Variants in STAT2 observed in about 807,000 individuals in gnomAD.
STAT2 encodes interferon alpha induced transcriptional activator.
A neutral mutation model predicts 122.3 loss-of-function variants in STAT2; 51 were observed. The observed-to-expected ratio is 0.42, with a 90% CI of 0.33 to 0.53. The LOEUF (loss-of-function observed/expected upper bound fraction) is 0.53, where lower values mean the gene tolerates loss of function less well. Ranked by LOEUF, STAT2 falls within the 20% of genes least tolerant of loss-of-function variation. The probability of loss-of-function intolerance (pLI) is 0.10; values close to 1 mark genes in which losing one functional copy is unlikely to be tolerated. For missense variants in STAT2, 736 were observed against 1,010.3 expected (o/e 0.73, Z 3.68); for synonymous variants, 351 against 394.9 (o/e 0.89, Z 1.32).
chr12:56,355,417 C>G, intron 5 of STAT2, 26 bp downstream of exon 5: 1 of 1,613,962 alleles, frequency 6.2e-7, no homozygotes, highest in Non-Finnish European at 8.5e-7. Context: ...ACGCTGTCAA[C>G]CCTAACTCCT....
At chr12:56,344,175 G>T (rs1877001374) in intron 22 of STAT2, 40 bp from the exon 23 acceptor site, 2 of 1,525,230 alleles carry the variant, frequency 1.3e-6, no homozygotes, top group Non-Finnish European at 1.8e-6. Flanking sequence ...GGGCTCAGTG[G>T]TTCAAATGAA....
At chr12:56,349,709 C>T (rs1025117547) in intron 13 of STAT2, 73 bp from the exon 14 acceptor site, 52 of 1,588,574 alleles carry the variant, frequency 3.3e-5, no homozygotes, top group Non-Finnish European at 4.3e-5. Flanking sequence ...TGTTTGGCTT[C>T]AAGACCTCTC....
Position 56,349,503 on chromosome 12 carries a change from G to C in STAT2, c.1264C>G (p.Leu422Val), listed in dbSNP as rs747138761. The C allele has an allele frequency of 1.2e-6, 2 of 1,614,178 alleles. No homozygotes were observed. The highest frequency in any genetic ancestry group is 8.5e-7 in the Non-Finnish European group (1 of 1,180,050). The change falls in exon 15 of 24, where the codon CTA becomes GTA. Residue 422 changes from leucine to valine, a missense_variant. By Grantham distance (32) the Leu-to-Val change is conservative. Coordinates refer to ENST00000314128, the MANE Select transcript of STAT2 (RefSeq NM_005419.4). ...GSGKGSNKGP[L>V]GVTEELHIIS... ...ATGTGCAGTTCCTCTGTCACACCTA[G>C]TGGCCCCTGGGACAGCCAAAGACAT...
At position 56,346,837 on chromosome 12, in the gene STAT2, C is replaced by T. The variant is rs1877544837; in HGVS notation, c.1843G>A (p.Val615Met). 1 of 1,614,184 alleles carries T rather than the reference C, an allele frequency of 6.2e-7. No individual in the cohort carries two copies. Among genetic ancestry groups the T allele is most frequent in the Non-Finnish European group, 8.5e-7 (1 of 1,180,010 alleles). The change falls in exon 20 of 24, where the codon GTG becomes ATG. Residue 615 changes from valine (V) to methionine (M), a missense_variant. By Grantham distance (21) the Val-to-Met change is conservative. Transcript: ENST00000314128. ...SSEGGITCSW[V>M]EHQDDDKVLI... ...AGCTGACCATCATCCTGGTGCTCCA[C>T]CCAGGAGCAGGTAATGCCCCCTTCT...
At chr12:56,358,740 G>T (rs1879911249) in intron 1 of STAT2, among the ~76,000 whole-genome samples, 1 of 152,168 alleles carries the variant, frequency 6.6e-6, no homozygotes, top group South Asian at 2.1e-4. Flanking sequence ...TCAACTTTGT[G>T]AGATCCTGAA....
chr12:56,348,094 T>TC (rs1225017307), intron 19 of STAT2, among the ~76,000 whole-genome samples: 3 of 149,492 alleles, frequency 2.0e-5, no homozygotes, highest in Admixed American at 6.7e-5. Flanking sequence ...GTTGTTTTTT[T>TC]TTTTTTTTTT....
At chr12:56,347,118 C>T (rs1240356698) in intron 19 of STAT2, among the ~76,000 whole-genome samples, 163 bp from the exon 20 acceptor site, 6 of 152,126 alleles carry the variant, frequency 3.9e-5, no homozygotes, top group Non-Finnish European at 8.8e-5. Context: ...AGTCACTTCA[C>T]TTTGCTGACA....
intron 22 of STAT2, among the ~76,000 whole-genome samples, chr12:56,345,305 C>A (rs1162177548): frequency 1.3e-5 from 2 of 148,328 alleles, no homozygotes; most frequent in Non-Finnish European, 3.0e-5. Flanking sequence ...GCCTGGGCAA[C>A]ACAGTGATAC....
chr12:56,352,568 CAG>C (rs1878698545), intron 8 of STAT2: 1 of 150,546 alleles, frequency 6.6e-6, no homozygotes, highest in African/African-American at 2.5e-5. Flanking sequence ...GCCTGGGAGA[CAG>C]AGAGAGACCC....
At chr12:56,351,562 G>T in intron 8 of STAT2, 112 bp from the exon 9 acceptor site, 1 of 1,036,304 alleles carries the variant, frequency 9.6e-7, no homozygotes, top group African/African-American at 1.6e-5. Context: ...CTGGGGGGAA[G>T]AAAAAAAAAG....
intron 1 of STAT2, among the ~76,000 whole-genome samples, chr12:56,358,896 A>G (rs1879941404): frequency 6.6e-6 from 1 of 152,192 alleles, no homozygotes; most frequent in Admixed American, 6.5e-5. Flanking sequence ...ACTCTGTCTC[A>G]AAAGAACAAC....
chr12:56,344,108 C>T lies in STAT2; in HGVS notation c.2130G>A (p.Leu710=), dbSNP rs1404648135. Residue 710 remains leucine (L), a synonymous_variant, in exon 23 of 24, where the codon CTG becomes CTA. Transcript: ENST00000314128. The part of the protein sequence containing the change: ...NRQVDELQQP[L]ELKPEPELES... ...CCAGCTCTGGCTCTGGCTTAAGCTCCAGCGGTTGTTGCAGTTCATCCACCT... is the reference window on the plus strand; with the variant it reads ...CCAGCTCTGGCTCTGGCTTAAGCTCTAGCGGTTGTTGCAGTTCATCCACCT... 6.4e-7 allele frequency: 1 copy of T among 1,565,208 alleles called. No homozygotes were observed. The highest frequency in any genetic ancestry group is 8.7e-7 in the Non-Finnish European group (1 of 1,153,532).
intron 1 of STAT2, 66 bp from the exon 2 acceptor site, chr12:56,356,644 G>C: frequency 6.4e-7 from 1 of 1,567,024 alleles, no homozygotes; most frequent in Non-Finnish European, 8.6e-7. Flanking sequence ...ATAGTTTCAT[G>C]ATTGTTCATT....
intron 22 of STAT2, 66 bp downstream of exon 22, chr12:56,346,080 T>G: frequency 6.2e-7 from 1 of 1,612,736 alleles, no homozygotes; most frequent in South Asian, 1.1e-5. Flanking sequence ...AATGCCCCCT[T>G]TTGACGATTC....
At chr12:56,355,655 A>C (rs1879394063) in intron 4 of STAT2, 53 bp downstream of exon 4, 3 of 1,599,516 alleles carry the variant, frequency 1.9e-6, no homozygotes, top group Non-Finnish European at 2.6e-6. Flanking sequence ...AGTCCTTTCC[A>C]TGGTTCCTCT....
rs1336402744 is a variant in STAT2 at position 56,349,237 on chromosome 12, T to A, written c.1366A>T (p.Ile456Phe). 1.9e-6 allele frequency: 3 copies of A among 1,614,114 alleles called. No individual in the cohort carries two copies. Among genetic ancestry groups the A allele is most frequent in the Non-Finnish European group, 2.5e-6 (3 of 1,180,022 alleles). Reference protein sequence around the residue: ...LKTDTLPVVIISNMNQLSIAW... With the variant: ...LKTDTLPVVIFSNMNQLSIAW... The stretch of plus-strand genomic sequence containing the variant: ...ATTGAGAGCTGGTTCATGTTGGAAA[T>A]AATCACCACAGGGAGGGTGTCCGTC... Residue 456 changes from isoleucine (I) to phenylalanine (F), a missense_variant, in exon 16 of 24, where the codon ATT becomes TTT. Ile to Phe is a conservative substitution (Grantham distance 21). Transcript: ENST00000314128.
intron 13 of STAT2, 191 bp downstream of exon 13, chr12:56,349,906 G>T: frequency 3.1e-6 from 2 of 650,326 alleles, no homozygotes; most frequent in South Asian, 1.9e-5. Context: ...AAAATTAGCC[G>T]GGCATGGTGG....
chr12:56,349,832 T>C (rs1878165119), intron 13 of STAT2, 196 bp from the exon 14 acceptor site: 1 of 725,866 alleles, frequency 1.4e-6, no homozygotes, highest in South Asian at 1.7e-5. Flanking sequence ...GTGGATCACC[T>C]GAGGTCAGGA....
chr12:56,350,493 G>A (rs755668228), intron 11 of STAT2, 61 bp from the exon 12 acceptor site: 168 of 1,501,224 alleles, frequency 1.1e-4, no homozygotes, highest in Non-Finnish European at 1.4e-4. Context: ...TAGGAGTTTC[G>A]TCTTTGGGAT....
Sources: allele counts gnomAD v4.1 joint callset (sites outside exome capture counted in the v4.1 genomes callset), GRCh38; gene constraint gnomAD v4.1.1; transcripts MANE v1.5; gene names NCBI Gene and HGNC (gene_info 2026-07-23, HGNC 2026-07-21).